BICD1: variants seen among roughly 807,000 people sequenced by gnomAD.
BICD1 encodes protein bicaudal D homolog 1.
A neutral mutation model predicts 92.5 loss-of-function variants in BICD1; 35 were observed. The observed-to-expected ratio is 0.38, with a 90% CI of 0.29 to 0.50. The LOEUF (loss-of-function observed/expected upper bound fraction) is 0.50. BICD1 is among the 20% of genes least tolerant of loss of function. BICD1 has a pLI of 0.93. For synonymous variants in BICD1, 429 were observed against 465.1 expected (o/e 0.92, Z 1.00); for missense variants, 950 against 1,189.8 (o/e 0.80, Z 2.97).
chr12:32,139,353 T>TTG (rs960259702), intron 1 of BICD1, among the ~76,000 whole-genome samples: 2 of 152,018 alleles, frequency 1.3e-5, no homozygotes, highest in African/African-American at 4.8e-5. Flanking sequence ...TCCTCTAATT[T>TTG]TGTGTGTGTG....
intron 1 of BICD1, among the ~76,000 whole-genome samples, chr12:32,159,059 G>A (rs1376141459): frequency 6.6e-6 from 1 of 152,024 alleles, no homozygotes; most frequent in African/African-American, 2.4e-5. Flanking sequence ...TCAGCCTCCC[G>A]AGTAGCTGGA....
At chr12:32,282,400 T>A (rs1258680482) in intron 2 of BICD1, among the ~76,000 whole-genome samples, 1 of 151,784 alleles carries the variant, frequency 6.6e-6, no homozygotes, top group Non-Finnish European at 1.5e-5. Context: ...TTTGTATTTT[T>A]TGTAGAGTCA....
At chr12:32,230,690 A>T (rs1945857989) in intron 2 of BICD1, among the ~76,000 whole-genome samples, 1 of 152,188 alleles carries the variant, frequency 6.6e-6, no homozygotes, top group Non-Finnish European at 1.5e-5. Context: ...GAAAGCAGCC[A>T]CGTGGAGCAA....
intron 1 of BICD1, 98 bp downstream of exon 1, chr12:32,107,642 AG>A (rs1941535060): frequency 7.5e-7 from 1 of 1,328,358 alleles, no homozygotes; most frequent in Non-Finnish European, 1.0e-6. Context: ...GGTGATTGAA[AG>A]GACTGTTTTT....
rs79877809 is a variant in BICD1, at chr12:32,296,709, C to T, written c.579+2563C>T. 1.3e-3 allele frequency among the ~76,000 whole-genome samples: 192 copies of T among 152,268 alleles called. No individual in the cohort carries two copies. In the East Asian group the frequency reaches 0.017, roughly 13 times the overall value. ...TGCTCTCTAGAGCATGGTGAGAGCA[C>T]GATCAGCAGCCTCCCTGGAGAGCCT... is the stretch of plus-strand genomic sequence containing the variant. On this transcript the variant is annotated intron_variant, in intron 3 of 9. Transcript: ENST00000652176.
intron 1 of BICD1, among the ~76,000 whole-genome samples, chr12:32,163,402 G>T (rs1041074555): frequency 6.6e-6 from 1 of 151,928 alleles, no homozygotes; most frequent in African/African-American, 2.4e-5. Context: ...TGGAGAATTT[G>T]ACAATAAACA....
intron 2 of BICD1, among the ~76,000 whole-genome samples, chr12:32,225,537 T>C (rs1945653057): frequency 1.3e-5 from 2 of 152,094 alleles, no homozygotes; most frequent in Non-Finnish European, 2.9e-5. Context: ...AGCTGTACCA[T>C]TTTGCTTTCC....
At chr12:32,251,200 G>C (rs961530359) in intron 2 of BICD1, among the ~76,000 whole-genome samples, 2 of 152,156 alleles carry the variant, frequency 1.3e-5, no homozygotes, top group East Asian at 1.9e-4. Flanking sequence ...ATATCTTCTT[G>C]TTGTTCTTAT....
At chr12:32,124,286 T>C (rs1942253466) in intron 1 of BICD1, among the ~76,000 whole-genome samples, 1 of 152,256 alleles carries the variant, frequency 6.6e-6, no homozygotes, top group African/African-American at 2.4e-5. Flanking sequence ...TTTAAGTTAC[T>C]TATTTGTTGT....
chr12:32,195,073 G>A (rs1944689133), intron 1 of BICD1, among the ~76,000 whole-genome samples: 1 of 128,890 alleles, frequency 7.8e-6, no homozygotes, highest in Non-Finnish European at 1.6e-5. Flanking sequence ...ACTGCAGCCT[G>A]TGTGACAGAG....
chr12:32,133,863 C>T (rs1014075355), intron 1 of BICD1, among the ~76,000 whole-genome samples: 2 of 149,824 alleles, frequency 1.3e-5, no homozygotes, highest in Admixed American at 1.3e-4. Flanking sequence ...ATCACTGCAA[C>T]CTCCGCCTCC....
At chr12:32,196,552 C>T (rs1944732763) in intron 1 of BICD1, among the ~76,000 whole-genome samples, 1 of 152,114 alleles carries the variant, frequency 6.6e-6, no homozygotes, top group Admixed American at 6.5e-5. Context: ...ATTGTTTTGT[C>T]TTACTTATAT....
chr12:32,137,158 A>T (rs1270320), intron 1 of BICD1, among the ~76,000 whole-genome samples: 2 of 152,172 alleles, frequency 1.3e-5, no homozygotes, highest in Non-Finnish European at 2.9e-5. Flanking sequence ...GTGTGATTTC[A>T]GCTCACTGCA....
chr12:32,364,283 C>A (rs562778809), intron 8 of BICD1, among the ~76,000 whole-genome samples: 5 of 152,146 alleles, frequency 3.3e-5, no homozygotes, highest in African/African-American at 9.7e-5. Context: ...TTTATTCCCC[C>A]CAAAGCAACG....
intron 1 of BICD1, among the ~76,000 whole-genome samples, chr12:32,116,510 C>CTCTCTCTCTATATATATA (rs1233964108): frequency 9.6e-6 from 1 of 104,374 alleles, no homozygotes; most frequent in East Asian, 3.2e-4. Flanking sequence ...CTCTCTCTCT[C>CTCTCTCTCTATATATATA]TATATATATA....
At chr12:32,128,166 A>G (rs1942411525) in intron 1 of BICD1, among the ~76,000 whole-genome samples, 1 of 152,200 alleles carries the variant, frequency 6.6e-6, no homozygotes. Flanking sequence ...CGCCTCCCAA[A>G]GTGTTGGGAT....
At chr12:32,160,050 C>T (rs758280107) in intron 1 of BICD1, among the ~76,000 whole-genome samples, 1 of 152,174 alleles carries the variant, frequency 6.6e-6, no homozygotes, top group Non-Finnish European at 1.5e-5. Flanking sequence ...ATAATAATAT[C>T]CTGTTGTTGT....
intron 1 of BICD1, among the ~76,000 whole-genome samples, chr12:32,158,062 A>G (rs1943491135): frequency 6.7e-6 from 1 of 149,080 alleles, no homozygotes. Flanking sequence ...GCACTTTGGG[A>G]GGCTTACACA....
chr12:32,223,820 T>C (rs1945606745), intron 2 of BICD1, among the ~76,000 whole-genome samples: 1 of 152,186 alleles, frequency 6.6e-6, no homozygotes, highest in Non-Finnish European at 1.5e-5. Context: ...GGTTACTAAT[T>C]GGCCTAATTT....
Sources: gnomAD v4.1 joint callset for allele counts (sites outside exome capture counted in the v4.1 genomes callset) on GRCh38, gnomAD v4.1.1 for gene constraint, MANE v1.5 for transcripts, NCBI Gene and HGNC (gene_info 2026-07-23, HGNC 2026-07-21) for gene names.